The following COL11A1 variants were observed in gnomAD, a reference collection of about 807,000 sequenced individuals.
COL11A1 encodes collagen type XI alpha 1 chain, also known as collagen alpha-1(XI) chain.
In COL11A1, 74 loss-of-function variants were observed where a neutral mutation model predicts 265.2. The ratio of observed to expected loss-of-function variants is 0.28; its 90% confidence interval spans 0.23 to 0.34. The LOEUF (loss-of-function observed/expected upper bound fraction) is 0.34, where lower values mean the gene tolerates loss of function less well. Ranked by LOEUF, COL11A1 falls within the 10% of genes least tolerant of loss-of-function variation. The probability of loss-of-function intolerance (pLI) is 1.00; values close to 1 mark genes in which losing one functional copy is unlikely to be tolerated. For missense variants in COL11A1, 2,165 were observed against 2,263.6 expected, an observed-to-expected ratio of 0.96 and a Z score of 0.88; for synonymous variants, 816 against 727.6, an observed-to-expected ratio of 1.12 and a Z score of -1.96.
chr1:103,070,956 A>C (rs547509957), intron 4 of COL11A1, among the ~76,000 whole-genome samples: 1 of 152,142 alleles, frequency 6.6e-6, no homozygotes, highest in East Asian at 1.9e-4. Flanking sequence ...TGGCCATCTC[A>C]AACGCCATCT....
At position 102,884,850 on chromosome 1, in the gene COL11A1, T is replaced by C. The variant is rs185783058; in HGVS notation, c.4859-1539A>G. Among the ~76,000 whole-genome samples the C allele has an allele frequency of 1.6e-3, 237 of 152,312 alleles. 2 individuals are homozygous for C. Among genetic ancestry groups the C allele is most frequent in the Non-Finnish European group, 2.3e-3 (159 of 68,028 alleles). Reference sequence around the variant, plus strand: ...GTACTTTACTTTCTTTCATTTCTGTTCTGAAACTTTTTAATAAACTTTCAC... The same window carrying C: ...GTACTTTACTTTCTTTCATTTCTGTCCTGAAACTTTTTAATAAACTTTCAC... On this transcript the variant is annotated intron_variant, in intron 63 of 66. Transcript: ENST00000370096.
chr1:102,880,908 A>T (rs1422465236), intron 65 of COL11A1, among the ~76,000 whole-genome samples: 3 of 152,032 alleles, frequency 2.0e-5, no homozygotes, highest in African/African-American at 7.2e-5. Flanking sequence ...TTATACAAAG[A>T]TAATAATGTA....
intron 4 of COL11A1, among the ~76,000 whole-genome samples, chr1:103,067,914 C>T (rs71666999): frequency 0.072 from 10,930 of 151,208 alleles, 562 homozygotes; most frequent in African/African-American, 0.14. Flanking sequence ...ACAGAAAAAC[C>T]GAATTAACCT....
chr1:103,075,426 G>T (rs1048353444), intron 3 of COL11A1, among the ~76,000 whole-genome samples: 3 of 151,984 alleles, frequency 2.0e-5, no homozygotes, highest in Non-Finnish European at 4.4e-5. Flanking sequence ...TTCTTTCCAG[G>T]GTTGGCAGAT....
chr1:103,026,164 C>A, intron 6 of COL11A1, 52 bp downstream of exon 6: 1 of 1,339,584 alleles, frequency 7.5e-7, no homozygotes, highest in South Asian at 1.2e-5. Context: ...TAAGGAACCA[C>A]AGGATGACGA....
intron 4 of COL11A1, among the ~76,000 whole-genome samples, chr1:103,049,196 G>C (rs949695980): frequency 1.2e-4 from 18 of 152,076 alleles, no homozygotes; most frequent in Non-Finnish European, 1.9e-4. Flanking sequence ...GTTGACAGTG[G>C]GGTGTTAAAG....
At chr1:103,045,400 A>G (rs74941372) in intron 4 of COL11A1, among the ~76,000 whole-genome samples, 1,845 of 152,256 alleles carry the variant, frequency 0.012, 45 homozygotes, top group African/African-American at 0.042. Flanking sequence ...CAGAAAGATC[A>G]ATTAAAGGCT....
At chr1:103,018,750 G>T in intron 10 of COL11A1, 68 bp downstream of exon 10, 1 of 1,193,906 alleles carries the variant, frequency 8.4e-7, no homozygotes. Flanking sequence ...TTCTCATTCA[G>T]TAATTAATAG....
chr1:103,038,081 A>G (rs1337175), intron 4 of COL11A1, among the ~76,000 whole-genome samples: 12,297 of 152,222 alleles, frequency 0.081, 555 homozygotes, highest in Middle Eastern at 0.16. Context: ...AATAGGAGTT[A>G]GCCTAATGAA....
chr1:102,939,928 C>T (rs1199012643), intron 43 of COL11A1, among the ~76,000 whole-genome samples: 2 of 152,004 alleles, frequency 1.3e-5, no homozygotes, highest in Non-Finnish European at 2.9e-5. Flanking sequence ...TAAATGATAA[C>T]AGGATTATGA....
chr1:102,918,596 CA>C (rs1557819102), intron 49 of COL11A1, among the ~76,000 whole-genome samples: 1 of 150,758 alleles, frequency 6.6e-6, no homozygotes, highest in Non-Finnish European at 1.5e-5. Context: ...AAAAAACAAA[CA>C]AACAAACAAA....
At chr1:102,971,831 C>T (rs1570908887) in intron 36 of COL11A1, among the ~76,000 whole-genome samples, 1 of 152,036 alleles carries the variant, frequency 6.6e-6, no homozygotes, top group African/African-American at 2.4e-5. Flanking sequence ...GTGACTTCTT[C>T]AGGTTTTCCA....
At chr1:102,982,735 G>A (rs7542460) in intron 31 of COL11A1, among the ~76,000 whole-genome samples, 2,571 of 152,042 alleles carry the variant, frequency 0.017, 81 homozygotes, top group African/African-American at 0.059. Context: ...TGAAAAAATT[G>A]TAAGACAAAG....
In COL11A1 at chr1:102,979,617, A is replaced by G. The variant is rs1011607518; in HGVS notation, c.2557-182T>C. 7.3e-6 allele frequency: 5 copies of G among 686,972 alleles called. No homozygotes were observed. In the African/African-American group the frequency reaches 8.8e-5, roughly 12 times the overall value. 42.6% of individuals were successfully genotyped at this position (686,972 alleles called of 1,614,324 possible). ...CTTACAATGACATCTGAAATCCTGG[A>G]AGCATTGAAAGCACAAATTGATAAA... On this transcript the variant is annotated intron_variant, in intron 31 of 66. Coordinates refer to ENST00000370096, the MANE Select transcript of COL11A1 (RefSeq NM_001854.4).
intron 29 of COL11A1, among the ~76,000 whole-genome samples, chr1:102,988,941 T>C (rs1199639439): frequency 2.0e-5 from 3 of 152,272 alleles, no homozygotes; most frequent in Non-Finnish European, 1.5e-5. Flanking sequence ...AATGCTTCTT[T>C]ATTCAGATGT....
chr1:103,018,062 T>G (rs143801139), intron 10 of COL11A1, among the ~76,000 whole-genome samples, 180 bp from the exon 11 acceptor site: 2 of 152,264 alleles, frequency 1.3e-5, no homozygotes, highest in East Asian at 3.9e-4. Flanking sequence ...TTGTAGCTAG[T>G]TCAGCTGCTC....
chr1:103,001,195 A>G, intron 24 of COL11A1: 1 of 397,710 alleles, frequency 2.5e-6, no homozygotes, highest in Non-Finnish European at 4.4e-6. Flanking sequence ...CTTAGATTGC[A>G]GCACATCTGT....
At chr1:102,963,218 G>A (rs1179737132) in intron 38 of COL11A1, among the ~76,000 whole-genome samples, 1 of 152,076 alleles carries the variant, frequency 6.6e-6, no homozygotes, top group Admixed American at 6.6e-5. Context: ...AACCCAAAAA[G>A]CCAGTGGTTC....
At chr1:102,995,413 T>C (rs550685764) in intron 28 of COL11A1, among the ~76,000 whole-genome samples, 1 of 152,240 alleles carries the variant, frequency 6.6e-6, no homozygotes, top group East Asian at 1.9e-4. Context: ...AAAGACTTCC[T>C]CTTTCCCCAA....
Sources: allele counts gnomAD v4.1 joint callset (sites outside exome capture counted in the v4.1 genomes callset), GRCh38; gene constraint gnomAD v4.1.1; transcripts MANE v1.5; gene names NCBI Gene and HGNC (gene_info 2026-07-23, HGNC 2026-07-21).